Variants in CHSY3 observed in about 807,000 individuals in gnomAD.
CHSY3 encodes the protein chondroitin sulfate synthase 3.
In CHSY3, 35 loss-of-function variants were observed where a neutral mutation model predicts 67.2. That is an observed-to-expected ratio of 0.52 (90% confidence interval 0.40 to 0.69). CHSY3 has a LOEUF of 0.69. Ranked by LOEUF, CHSY3 falls within the 30% of genes least tolerant of loss-of-function variation. CHSY3 has a pLI of 0.00. For missense variants in CHSY3, 1,069 were observed against 1,138.5 expected (o/e 0.94, Z 0.88); for synonymous variants, 474 against 434.7 (o/e 1.09, Z -1.12).
intron 2 of CHSY3, among the ~76,000 whole-genome samples, chr5:130,001,037 C>T (rs991914520): frequency 2.0e-5 from 3 of 151,786 alleles, no homozygotes; most frequent in African/African-American, 2.4e-5. Context: ...TGGTGGCACA[C>T]GCCTGGTTAA....
chr5:129,976,478 G>T (rs1248395874), intron 2 of CHSY3, among the ~76,000 whole-genome samples: 1 of 152,052 alleles, frequency 6.6e-6, no homozygotes, highest in Non-Finnish European at 1.5e-5. Flanking sequence ...CTGTAACAGA[G>T]TGTCCACCTA....
intron 2 of CHSY3, among the ~76,000 whole-genome samples, chr5:130,128,621 G>GCATACCT (rs1212274345): frequency 1.3e-5 from 2 of 152,022 alleles, no homozygotes; most frequent in Non-Finnish European, 2.9e-5. Flanking sequence ...ATACTATGTT[G>GCATACCT]CATACCTGAA....
At chr5:130,043,805 A>T (rs1446996985) in intron 2 of CHSY3, among the ~76,000 whole-genome samples, 1 of 152,164 alleles carries the variant, frequency 6.6e-6, no homozygotes, top group Non-Finnish European at 1.5e-5. Flanking sequence ...ATAGACAAAG[A>T]CCAGTCTTTA....
At chr5:130,172,971 T>G (rs1309622314) in intron 2 of CHSY3, among the ~76,000 whole-genome samples, 2 of 152,158 alleles carry the variant, frequency 1.3e-5, no homozygotes, top group Non-Finnish European at 2.9e-5. Flanking sequence ...AAAACTTACT[T>G]TAAAAGGATA....
At chr5:130,054,665 C>A (rs995327373) in intron 2 of CHSY3, among the ~76,000 whole-genome samples, 13 of 152,272 alleles carry the variant, frequency 8.5e-5, no homozygotes, top group African/African-American at 3.1e-4. Context: ...ATTATTAACA[C>A]ATGCAGTGCT....
Position 129,905,558 on chromosome 5 carries a change from C to G in CHSY3, c.729C>G (p.Ile243Met), listed in dbSNP as rs374768741. The change falls in exon 1 of 3, where the codon ATC (isoleucine) becomes ATG (methionine). Residue 243 changes from isoleucine (I) to methionine (M), a missense_variant. Physicochemically the swap from Ile to Met is conservative, Grantham distance 10 (BLOSUM62 1). Coordinates refer to ENST00000305031, the MANE Select transcript of CHSY3 (RefSeq NM_175856.5). ...YPPQKKSFMM[I>M]KYMHDHYLDK... ...CCCAGAAAAAGTCCTTCATGATGAT[C>G]AAGTACATGCACGACCACTACCTGG... 16 of 1,613,676 alleles carry G rather than the reference C, an allele frequency of 9.9e-6. No homozygotes were observed. The African/African-American group carries it at 2.0e-4, about 20-fold the overall frequency.
rs1434936071 is a variant in CHSY3 at position 129,905,758 on chromosome 5, C to T, written c.802+127C>T. The T allele has an allele frequency of 9.4e-6, 14 of 1,491,494 alleles. No homozygotes were observed. The East Asian group carries it at 3.0e-4, about 32-fold the overall frequency. The allele number at this position is 1,491,494 out of a possible 1,614,324, so 92.4% of individuals were successfully genotyped here. On this transcript the variant is annotated intron_variant, in intron 1 of 2. Coordinates refer to ENST00000305031, the MANE Select transcript of CHSY3 (RefSeq NM_175856.5). Reference sequence around the variant, plus strand: ...GCACGTGCTTCGGGCTCCCACAGGCCCTGGCCCGCCCTCCCCACCCCTTGC... The same window carrying T: ...GCACGTGCTTCGGGCTCCCACAGGCTCTGGCCCGCCCTCCCCACCCCTTGC...
chr5:130,105,601 C>T (rs1767388940), intron 2 of CHSY3, among the ~76,000 whole-genome samples: 1 of 151,718 alleles, frequency 6.6e-6, no homozygotes, highest in Admixed American at 6.6e-5. Flanking sequence ...ATATTATGCA[C>T]ATTCCTATGC....
chr5:129,921,739 A>ATG (rs1760931989), intron 2 of CHSY3, among the ~76,000 whole-genome samples: 1 of 152,176 alleles, frequency 6.6e-6, no homozygotes, highest in South Asian at 2.1e-4. Context: ...GTATATATTT[A>ATG]TACAGTGCAT....
intron 1 of CHSY3, among the ~76,000 whole-genome samples, chr5:129,907,393 A>T (rs571403079): frequency 6.6e-6 from 1 of 152,332 alleles, no homozygotes; most frequent in South Asian, 2.1e-4. Context: ...AATATGAAGA[A>T]GGTGACTCTC....
At chr5:130,141,755 A>G (rs1768874421) in intron 2 of CHSY3, 2 of 480,582 alleles carry the variant, frequency 4.2e-6, no homozygotes, top group Admixed American at 2.3e-5. Flanking sequence ...AAAATTATCA[A>G]CTGGCTGGAT....
At chr5:129,977,586 T>C (rs920976453) in intron 2 of CHSY3, among the ~76,000 whole-genome samples, 1 of 152,172 alleles carries the variant, frequency 6.6e-6, no homozygotes, top group Non-Finnish European at 1.5e-5. Flanking sequence ...AAGTATACTT[T>C]AAAAGAATGA....
intron 2 of CHSY3, among the ~76,000 whole-genome samples, chr5:129,949,990 C>T (rs1474641188): frequency 6.6e-6 from 1 of 151,844 alleles, no homozygotes; most frequent in Non-Finnish European, 1.5e-5. Context: ...ATGGTGAAAC[C>T]TCATCTCTAC....
chr5:130,110,662 T>C (rs1213871665), intron 2 of CHSY3, among the ~76,000 whole-genome samples: 1 of 151,980 alleles, frequency 6.6e-6, no homozygotes, highest in Admixed American at 6.6e-5. Flanking sequence ...TGAAAACTAC[T>C]TCCAACTCAT....
intron 2 of CHSY3, chr5:130,001,732 C>G (rs1763732654): frequency 7.3e-6 from 6 of 818,818 alleles, no homozygotes; most frequent in African/African-American, 1.9e-5. Context: ...TTAAAGATCT[C>G]TATGCTCATA....
chr5:129,970,942 A>G (rs1471835381), intron 2 of CHSY3, among the ~76,000 whole-genome samples: 1 of 151,890 alleles, frequency 6.6e-6, no homozygotes, highest in Non-Finnish European at 1.5e-5. Flanking sequence ...ATGCCAGATA[A>G]ACATAAGGTT....
chr5:130,169,983 A>G (rs1262793135), intron 2 of CHSY3, among the ~76,000 whole-genome samples: 1 of 152,060 alleles, frequency 6.6e-6, no homozygotes, highest in Non-Finnish European at 1.5e-5. Context: ...AAATTTTTAA[A>G]TAAAATATTT....
chr5:130,137,349 G>A (rs10491276), intron 2 of CHSY3, among the ~76,000 whole-genome samples: 3,328 of 152,200 alleles, frequency 0.022, 121 homozygotes, highest in African/African-American at 0.074. Flanking sequence ...TCTGGTATGT[G>A]AAGATTATTA....
At chr5:130,021,857 T>G (rs1378774678) in intron 2 of CHSY3, among the ~76,000 whole-genome samples, 1 of 152,124 alleles carries the variant, frequency 6.6e-6, no homozygotes, top group Non-Finnish European at 1.5e-5. Flanking sequence ...GGGGTTTCAA[T>G]AAAATTAAAA....
Sources: allele counts gnomAD v4.1 joint callset (sites outside exome capture counted in the v4.1 genomes callset), GRCh38; gene constraint gnomAD v4.1.1; transcripts MANE v1.5; gene names NCBI Gene and HGNC (gene_info 2026-07-23, HGNC 2026-07-21).